The following ADD2 variants were observed in gnomAD, a reference collection of about 807,000 sequenced individuals.
The protein encoded by ADD2 is beta-adducin.
A neutral mutation model predicts 83.0 loss-of-function variants in ADD2; 23 were observed. That is an observed-to-expected ratio of 0.28 (90% CI 0.20 to 0.39). The LOEUF (loss-of-function observed/expected upper bound fraction) is 0.39. ADD2 is among the 10% of genes least tolerant of loss of function. The pLI is 1.00. For synonymous variants in ADD2, 375 were observed against 375.4 expected, an observed-to-expected ratio of 1.00 and a Z score of 0.01; for missense variants, 758 against 944.9, an observed-to-expected ratio of 0.80 and a Z score of 2.59.
Position 70,720,896 on chromosome 2 carries a change from C to G in ADD2, c.-153-7712G>C, listed in dbSNP as rs984150992. On this transcript the variant is annotated intron_variant, in intron 1 of 15. Transcript: ENST00000264436. ...TGGAGGTGCCTTCTCCACTCCCTTT[C>G]TCCTCCCTTGCCTCCCTGCTGGAGG... Among the ~76,000 whole-genome samples the G allele has an allele frequency of 5.3e-5, 8 of 152,172 alleles. No homozygotes were observed. The South Asian group carries it at 1.2e-3, about 24-fold the overall frequency.
intron 15 of ADD2, among the ~76,000 whole-genome samples, chr2:70,672,115 A>G (rs781987767): frequency 2.4e-4 from 37 of 152,290 alleles, no homozygotes; most frequent in African/African-American, 4.8e-4. Context: ...TCCCTTATAC[A>G]TATATAAAAA....
Position 70,663,613 on chromosome 2 carries a change from C to A in ADD2, c.1993G>T (p.Gly665Cys). The change falls in exon 16 of 16, where the codon GGC becomes TGC. Residue 665 changes from glycine to cysteine, a missense_variant. Physicochemically the swap from Gly to Cys is radical, Grantham distance 159 (BLOSUM62 -3). Coordinates refer to ENST00000264436, the MANE Select transcript of ADD2 (RefSeq NM_001617.4). Reference sequence around the variant, plus strand: ...GCACTGGTGGTCATCTGGCTCAGGCCTTTGCTGAGGATTTCCTCTGCCGTC... The same window carrying A: ...GCACTGGTGGTCATCTGGCTCAGGCATTTGCTGAGGATTTCCTCTGCCGTC... Reference protein sequence around the residue: ...EQTAEEILSKGLSQMTTSADT... With the variant: ...EQTAEEILSKCLSQMTTSADT... 6.2e-7 allele frequency: 1 copy of A among 1,614,150 alleles called. No individual in the cohort carries two copies. The highest frequency in any genetic ancestry group is 8.5e-7 in the Non-Finnish European group (1 of 1,180,034).
intron 1 of ADD2, among the ~76,000 whole-genome samples, chr2:70,756,335 T>A (rs557260709): frequency 5.8e-4 from 88 of 152,280 alleles, no homozygotes; most frequent in Non-Finnish European, 1.1e-3. Flanking sequence ...ACTAGAGCCC[T>A]ACTATGGTGG....
At position 70,676,461 on chromosome 2, in the gene ADD2, C is replaced by T; in HGVS notation, c.1593+335G>A. On this transcript the variant is annotated intron_variant, in intron 13 of 15. Transcript: ENST00000264436. The surrounding 1 kb of genome is among the most constrained non-coding windows in gnomAD (Gnocchi z 4.8). Reference sequence around the variant, plus strand: ...CCTGGGGCACCTGGGAGTCTCCAGCCCCAAGCCTATGAGTCCCCACTTCAC... The same window carrying T: ...CCTGGGGCACCTGGGAGTCTCCAGCTCCAAGCCTATGAGTCCCCACTTCAC... The T allele has an allele frequency of 7.8e-7, 1 of 1,279,602 alleles. No individual in the cohort carries two copies. The highest frequency in any genetic ancestry group is 9.9e-7 in the Non-Finnish European group (1 of 1,010,156). 79.3% of individuals were successfully genotyped at this position (1,279,602 alleles called of 1,614,324 possible).
At chr2:70,664,546 T>C (rs1675679612) in intron 15 of ADD2, among the ~76,000 whole-genome samples, 1 of 152,142 alleles carries the variant, frequency 6.6e-6, no homozygotes, top group Non-Finnish European at 1.5e-5. Flanking sequence ...GACTGAAAAG[T>C]AGAAAGCAAG....
At chr2:70,763,259 C>T (rs1359756836) in intron 1 of ADD2, among the ~76,000 whole-genome samples, 1 of 151,916 alleles carries the variant, frequency 6.6e-6, no homozygotes, top group Non-Finnish European at 1.5e-5. Flanking sequence ...TCCATGAGTG[C>T]TCTTCGAGTT....
chr2:70,676,942 T>C lies in ADD2; in HGVS notation c.1504-57A>G. 1 of 1,587,460 alleles carries C rather than the reference T, an allele frequency of 6.3e-7. No individual in the cohort carries two copies. On this transcript the variant is annotated intron_variant, in intron 12 of 15. Transcript: ENST00000264436. The surrounding 1 kb of genome is among the most constrained non-coding windows in gnomAD (Gnocchi z 4.8). ...GGCTGTTCAGGGTCAGCGTGGAGTT[T>C]GGGAGGGGGCATACGGGTGTGCCTG...
chr2:70,711,306 T>C (rs1230740053), intron 2 of ADD2: 1 of 152,146 alleles, frequency 6.6e-6, no homozygotes, highest in Non-Finnish European at 1.5e-5. Flanking sequence ...TGAGCCTCTT[T>C]CAACTGAACC....
chr2:70,690,534 T>C (rs1553371339), intron 8 of ADD2, among the ~76,000 whole-genome samples: 1 of 152,210 alleles, frequency 6.6e-6, no homozygotes, highest in Non-Finnish European at 1.5e-5. Context: ...AGAGAAAATA[T>C]TTAATAACAT....
At chr2:70,719,819 C>A (rs1219839800) in intron 1 of ADD2, among the ~76,000 whole-genome samples, 2 of 152,122 alleles carry the variant, frequency 1.3e-5, no homozygotes, top group African/African-American at 4.8e-5. Context: ...AAAAGTTTCA[C>A]CTCAATCAAA....
intron 4 of ADD2, among the ~76,000 whole-genome samples, chr2:70,701,981 C>T (rs1671607123): frequency 6.6e-6 from 1 of 152,232 alleles, no homozygotes; most frequent in African/African-American, 2.4e-5. Flanking sequence ...CATTCTAAAT[C>T]AAAGGATATA....
chr2:70,663,553 C>T lies in ADD2; in HGVS notation c.2053G>A (p.Glu685Lys), dbSNP rs782759183. Residue 685 changes from glutamate (E) to lysine (K), a missense_variant, in exon 16 of 16, where the codon GAG becomes AAG. Around this residue, in one of 5 missense-constraint regions of ADD2, gnomAD observed 165 missense variants for 176.2 expected, o/e 0.94. Transcript: ENST00000264436. ...TDVDTSKDKT[E>K]SVTSGPMSPE... is the part of the protein sequence containing the mutation. Reference sequence around the variant, plus strand: ...GACATGGGGCCGCTGGTGACCGACTCGGTTTTGTCCTTAGAGGTATCAACA... The same window carrying T: ...GACATGGGGCCGCTGGTGACCGACTTGGTTTTGTCCTTAGAGGTATCAACA... 4.3e-6 allele frequency: 7 copies of T among 1,613,990 alleles called. No homozygotes were observed. The highest frequency in any genetic ancestry group is 1.7e-5 in the Admixed American group (1 of 60,008).
At chr2:70,692,228 G>A (rs1553371791) in intron 7 of ADD2, among the ~76,000 whole-genome samples, 175 bp downstream of exon 7, 1 of 152,218 alleles carries the variant, frequency 6.6e-6, no homozygotes, top group Non-Finnish European at 1.5e-5. Flanking sequence ...TTCACGTTAT[G>A]CTATGACTTC....
chr2:70,673,188 G>A, intron 14 of ADD2, 182 bp from the exon 15 acceptor site: 6 of 1,598,244 alleles, frequency 3.8e-6, no homozygotes, highest in Non-Finnish European at 5.1e-6. Context: ...ACTTCCCTGG[G>A]AAGGCCAATG....
intron 1 of ADD2, among the ~76,000 whole-genome samples, chr2:70,715,927 C>T (rs62149816): frequency 0.022 from 3,288 of 152,302 alleles, 46 homozygotes; most frequent in Non-Finnish European, 0.033. Context: ...ATCTCTCCAT[C>T]CTTTAATGAT....
intron 14 of ADD2, 70 bp downstream of exon 14, chr2:70,674,608 T>C: frequency 1.3e-6 from 2 of 1,497,100 alleles, no homozygotes; most frequent in Non-Finnish European, 9.0e-7. Flanking sequence ...AGGTCCTCTC[T>C]TGGTAGTCCT....
intron 1 of ADD2, among the ~76,000 whole-genome samples, chr2:70,757,287 G>T (rs1674842148): frequency 1.1e-4 from 1 of 9,232 alleles, no homozygotes; most frequent in South Asian, 3.7e-3. Flanking sequence ...TAAGGGATTT[G>T]TGGGGGGGGG....
In ADD2 at chr2:70,713,181, G is replaced by A; in HGVS notation, c.-150C>T. 1 of 985,176 alleles carries A rather than the reference G, an allele frequency of 1.0e-6. No individual in the cohort carries two copies. The highest frequency in any genetic ancestry group is 1.2e-6 in the Non-Finnish European group (1 of 829,710). The allele number at this position is 985,176 out of a possible 1,614,324, so 61.0% of individuals were successfully genotyped here. On this transcript the variant is annotated 5_prime_UTR_variant, in exon 2 of 16. Transcript: ENST00000264436. ...CTACACAACCTCAAACATCCAGGTG[G>A]AAACTGCAAAACACAAACACGACAA... is the stretch of plus-strand genomic sequence containing the variant.
At chr2:70,664,622 T>C (rs1360364881) in intron 15 of ADD2, among the ~76,000 whole-genome samples, 1 of 152,178 alleles carries the variant, frequency 6.6e-6, no homozygotes, top group Non-Finnish European at 1.5e-5. Flanking sequence ...CACAGTACCA[T>C]GGTGGGCAGA....
Sources: gnomAD v4.1 joint callset for allele counts (sites outside exome capture counted in the v4.1 genomes callset) on GRCh38, gnomAD v4.1.1 for gene constraint, gnomAD v4.1.1 regional missense constraint, Gnocchi (gnomAD v3.1) non-coding constraint, MANE v1.5 for transcripts, NCBI Gene and HGNC (gene_info 2026-07-23, HGNC 2026-07-21) for gene names.